The following AGBL1 variants were observed in gnomAD, a reference collection of about 807,000 sequenced individuals.
AGBL1 encodes the protein cytosolic carboxypeptidase 4.
In AGBL1, 130 loss-of-function variants were observed where a neutral mutation model predicts 118.9. The observed-to-expected ratio is 1.09, with a 90% CI of 0.95 to 1.26. AGBL1 has a LOEUF of 1.26. AGBL1 is among the 50% of genes most tolerant of loss of function. The pLI is 0.00. For missense variants in AGBL1, 1,584 were observed against 1,298.1 expected, an observed-to-expected ratio of 1.22 and a Z score of -3.38; for synonymous variants, 555 against 478.9, an observed-to-expected ratio of 1.16 and a Z score of -2.08.
chr15:86,431,356 A>G (rs569407180), intron 18 of AGBL1, among the ~76,000 whole-genome samples: 1 of 152,352 alleles, frequency 6.6e-6, no homozygotes, highest in Admixed American at 6.5e-5. Flanking sequence ...TTAGTAGGGT[A>G]ATCTTTAACC....
At chr15:86,691,914 C>A (rs1234094251) in intron 22 of AGBL1, among the ~76,000 whole-genome samples, 2 of 151,946 alleles carry the variant, frequency 1.3e-5, no homozygotes, top group Admixed American at 6.6e-5. Flanking sequence ...CAATCATTAA[C>A]CTTTAAGGTG....
intron 23 of AGBL1, among the ~76,000 whole-genome samples, chr15:86,986,565 AG>A (rs1555469166): frequency 3.3e-5 from 5 of 151,440 alleles, no homozygotes; most frequent in South Asian, 2.1e-4. Context: ...GAGGAGGAGG[AG>A]GAAAAAGGGG....
chr15:86,433,569 G>A (rs75916806), intron 18 of AGBL1, among the ~76,000 whole-genome samples: 7 of 152,032 alleles, frequency 4.6e-5, no homozygotes, highest in African/African-American at 1.7e-4. Context: ...ACATTTCTTG[G>A]AGAGAGAAGT....
chr15:86,736,163 A>T (rs1031874200), intron 22 of AGBL1, among the ~76,000 whole-genome samples: 3 of 152,152 alleles, frequency 2.0e-5, no homozygotes, highest in Admixed American at 2.0e-4. Context: ...TGGGCAGATC[A>T]CGAGGTCAGG....
At chr15:86,269,770 T>C (rs1263684484) in intron 13 of AGBL1, 149 bp from the exon 14 acceptor site, 3 of 859,570 alleles carry the variant, frequency 3.5e-6, no homozygotes, top group African/African-American at 1.7e-5. Flanking sequence ...AATATTGTGG[T>C]ATCAGGATGA....
chr15:86,478,900 A>G (rs972276548), intron 18 of AGBL1, among the ~76,000 whole-genome samples: 15 of 152,316 alleles, frequency 9.8e-5, no homozygotes, highest in Non-Finnish European at 1.5e-4. Flanking sequence ...GACCAATGGA[A>G]CACAACAGAG....
At chr15:86,487,685 C>A (rs987375780) in intron 18 of AGBL1, among the ~76,000 whole-genome samples, 1 of 151,944 alleles carries the variant, frequency 6.6e-6, no homozygotes, top group African/African-American at 2.4e-5. Context: ...GCCCCTAAAT[C>A]CCATCTATTA....
At chr15:87,011,472 C>T (rs1214444032) in intron 24 of AGBL1, among the ~76,000 whole-genome samples, 1 of 152,166 alleles carries the variant, frequency 6.6e-6, no homozygotes, top group Non-Finnish European at 1.5e-5. Context: ...AAGTGAATGT[C>T]CAGATTTAAA....
chr15:86,098,037 G>A (rs1377917926), intron 1 of AGBL1, among the ~76,000 whole-genome samples: 1 of 152,066 alleles, frequency 6.6e-6, no homozygotes, highest in African/African-American at 2.4e-5. Context: ...TTATCTCAGT[G>A]TAGTTTTGAT....
chr15:86,252,023 C>G (rs188503226), intron 7 of AGBL1, among the ~76,000 whole-genome samples: 3 of 152,162 alleles, frequency 2.0e-5, no homozygotes, highest in Non-Finnish European at 4.4e-5. Flanking sequence ...TCAAAGTTAC[C>G]TAGAGGAATT....
chr15:86,122,801 G>C (rs937015882), intron 1 of AGBL1, among the ~76,000 whole-genome samples: 4 of 152,280 alleles, frequency 2.6e-5, no homozygotes, highest in East Asian at 3.9e-4. Context: ...TTCAGGCCAT[G>C]ATGGGAAGTG....
intron 21 of AGBL1, among the ~76,000 whole-genome samples, chr15:86,603,123 A>G (rs149019832): frequency 4.5e-4 from 68 of 152,282 alleles, no homozygotes; most frequent in African/African-American, 1.6e-3. Flanking sequence ...TCTCAGCCAG[A>G]GGAGGTGGTT....
chr15:86,951,601 C>G (rs2080881258), intron 23 of AGBL1, among the ~76,000 whole-genome samples: 1 of 152,090 alleles, frequency 6.6e-6, no homozygotes, highest in African/African-American at 2.4e-5. Flanking sequence ...AACAAAGGCA[C>G]TTGTCTGTGG....
chr15:87,017,214 G>A (rs1238576881), intron 24 of AGBL1, among the ~76,000 whole-genome samples: 1 of 152,060 alleles, frequency 6.6e-6, no homozygotes, highest in Non-Finnish European at 1.5e-5. Context: ...TGCCAACTCT[G>A]GAGAGTCTGG....
chr15:86,105,953 T>G (rs1897028235), intron 1 of AGBL1, among the ~76,000 whole-genome samples: 1 of 152,268 alleles, frequency 6.6e-6, no homozygotes, highest in Admixed American at 6.5e-5. Context: ...AGTGACCTGA[T>G]AACTCAGCCC....
At chr15:86,184,689 C>A (rs2077604226) in intron 5 of AGBL1, among the ~76,000 whole-genome samples, 1 of 152,070 alleles carries the variant, frequency 6.6e-6, no homozygotes, top group African/African-American at 2.4e-5. Context: ...TTTTCTCTAA[C>A]CTTGAAAATG....
intron 1 of AGBL1, among the ~76,000 whole-genome samples, chr15:86,080,945 G>T (rs558988096): frequency 1.3e-5 from 2 of 151,980 alleles, no homozygotes; most frequent in South Asian, 2.1e-4. Context: ...GGGCGGGGGG[G>T]GGTCCATGAC....
intron 1 of AGBL1, chr15:86,086,139 C>A (rs1432254567): frequency 6.6e-6 from 1 of 152,208 alleles, no homozygotes; most frequent in African/African-American, 2.4e-5. Context: ...AATATTTACT[C>A]CACAATTTAC....
intron 21 of AGBL1, among the ~76,000 whole-genome samples, chr15:86,671,895 G>T (rs1441676053): frequency 6.6e-6 from 1 of 152,080 alleles, no homozygotes; most frequent in Non-Finnish European, 1.5e-5. Flanking sequence ...GAGATGTAAA[G>T]GAAGAAACAT....
Sources: allele counts gnomAD v4.1 joint callset (sites outside exome capture counted in the v4.1 genomes callset), GRCh38; gene constraint gnomAD v4.1.1; transcripts MANE v1.5; gene names NCBI Gene and HGNC (gene_info 2026-07-23, HGNC 2026-07-21).